MATR3: variants seen among roughly 807,000 people sequenced by gnomAD.
MATR3 encodes the protein matrin-3.
MATR3 carries 4 observed loss-of-function variants against 85.5 expected under a neutral mutation model. The ratio of observed to expected loss-of-function variants is 0.05; its 90% CI spans 0.02 to 0.11. The LOEUF (loss-of-function observed/expected upper bound fraction) is 0.11, where lower values mean the gene tolerates loss of function less well. Ranked by LOEUF, MATR3 falls within the 10% of genes least tolerant of loss-of-function variation. The pLI, the probability that MATR3 is intolerant of heterozygous loss-of-function variation, is 1.00. For missense variants in MATR3, 685 were observed against 1,016.1 expected (o/e 0.67, Z 4.43); for synonymous variants, 336 against 343.1 (o/e 0.98, Z 0.23).
At chr5:139,285,255 C>G (rs1168826029) in intron 3 of MATR3, 1 of 152,212 alleles carries the variant, frequency 6.6e-6, no homozygotes, top group Non-Finnish European at 1.5e-5. Context: ...TACCTTGTTT[C>G]AGATGGTCAA....
intron 2 of MATR3, 46 bp downstream of exon 2, chr5:139,308,373 G>A: frequency 6.2e-7 from 1 of 1,607,008 alleles, no homozygotes; most frequent in East Asian, 2.2e-5. Flanking sequence ...ACATTGTAGT[G>A]CCTATTTACC....
chr5:139,285,483 A>C (rs1243834784), intron 3 of MATR3, among the ~76,000 whole-genome samples: 2 of 152,240 alleles, frequency 1.3e-5, no homozygotes, highest in Non-Finnish European at 2.9e-5. Flanking sequence ...GGCCAGAATA[A>C]GAATTTCAAG....
intron 12 of MATR3, among the ~76,000 whole-genome samples, chr5:139,325,054 G>C (rs965709256): frequency 1.3e-5 from 2 of 152,036 alleles, no homozygotes; most frequent in African/African-American, 2.4e-5. Context: ...TTAGCCGGGC[G>C]TGGTGGCGTG....
rs561504141 is a variant in MATR3, at chr5:139,316,605, C to T, written c.1129+417C>T. On this transcript the variant is annotated intron_variant, in intron 5 of 14. Transcript: ENST00000394805. ...CTCCGTCACTCAGGCTAGAGTGTAACGGTGCAATCTCTGCTCACTGCAACC... is the reference window on the plus strand; with the variant it reads ...CTCCGTCACTCAGGCTAGAGTGTAATGGTGCAATCTCTGCTCACTGCAACC... 1.6e-3 allele frequency among the ~76,000 whole-genome samples: 249 copies of T among 151,828 alleles called. 2 individuals carry two copies. Among genetic ancestry groups the T allele is most frequent in the African/African-American group, 5.8e-3 (242 of 41,374 alleles).
chr5:139,302,415 A>G (rs191324192), intron 1 of MATR3, among the ~76,000 whole-genome samples: 313 of 152,352 alleles, frequency 2.1e-3, no homozygotes, highest in Middle Eastern at 6.8e-3. Flanking sequence ...AAAACCCTTA[A>G]ATGAAATAAT....
intron 3 of MATR3, among the ~76,000 whole-genome samples, chr5:139,286,118 A>T (rs1391123196): frequency 6.6e-6 from 1 of 152,188 alleles, no homozygotes; most frequent in Non-Finnish European, 1.5e-5. Context: ...ACCTTTTCAA[A>T]AACTCCTTTG....
intron 3 of MATR3, chr5:139,315,343 G>GTA (rs1255173475): frequency 3.9e-6 from 1 of 256,940 alleles, no homozygotes; most frequent in African/African-American, 2.3e-5. Context: ...TGTGCTCTTG[G>GTA]TATTAATATT....
chr5:139,298,685 C>A (rs769115605), intron 1 of MATR3, among the ~76,000 whole-genome samples: 1 of 152,074 alleles, frequency 6.6e-6, no homozygotes, highest in African/African-American at 2.4e-5. Flanking sequence ...TTTTTAGATA[C>A]GTGACTGAAA....
At position 139,284,682 on chromosome 5, in the gene MATR3, G is replaced by A. The variant is rs1229686980; in HGVS notation, c.-178+5553G>A. 2.0e-5 allele frequency among the ~76,000 whole-genome samples: 3 copies of A among 151,994 alleles called. No homozygotes were observed. The East Asian group carries it at 5.8e-4, about 29-fold the overall frequency. On this transcript the variant is annotated intron_variant, in intron 3 of 16. Transcript: ENST00000509990. ...CAGACATCTGTTAACTAAAACACAT[G>A]TGTAGGCTTTTGTTACTTATTTCAG...
chr5:139,298,808 C>T (rs1259428738), intron 1 of MATR3, among the ~76,000 whole-genome samples: 2 of 152,000 alleles, frequency 1.3e-5, no homozygotes, highest in East Asian at 1.9e-4. Flanking sequence ...CAAGGGACAC[C>T]AAGAAACAGC....
At position 139,321,883 on chromosome 5, in the gene MATR3, T is replaced by G; in HGVS notation, c.1603-15T>G. The G allele has an allele frequency of 6.2e-7, 1 of 1,611,364 alleles. No homozygotes were observed. Among genetic ancestry groups the G allele is most frequent in the Non-Finnish European group, 8.5e-7 (1 of 1,179,042 alleles). On this transcript the variant is annotated splice_polypyrimidine_tract_variant and intron_variant, in intron 9 of 14. Coordinates refer to ENST00000394805, the MANE Select transcript of MATR3 (RefSeq NM_018834.6). ...AATATAATGTGCTTTGTGGTTTCTT[T>G]TCTTTCTTTTTAAGGCTTTTATTGA...
At chr5:139,304,249 A>G (rs1581230172) in intron 1 of MATR3, among the ~76,000 whole-genome samples, 1 of 152,086 alleles carries the variant, frequency 6.6e-6, no homozygotes, top group Non-Finnish European at 1.5e-5. Context: ...GCTCATGCCT[A>G]TATAATCCCA....
Position 139,326,260 on chromosome 5 carries a change from C to T in MATR3, c.2469C>T (p.Ser823=), listed in dbSNP as rs1480773609. The T allele has an allele frequency of 1.2e-6, 2 of 1,613,570 alleles. No individual in the cohort carries two copies. Among genetic ancestry groups the T allele is most frequent in the Non-Finnish European group, 1.7e-6 (2 of 1,179,752 alleles). ...EEVAKNTHCS[S]LPHYQKLKKF... ...TTGCAAAGAATACTCATTGCAGCAGCCTTCCTCATTATCAGAAATTAAAGG... is the reference window on the plus strand; with the variant it reads ...TTGCAAAGAATACTCATTGCAGCAGTCTTCCTCATTATCAGAAATTAAAGG... The change falls in exon 14 of 15, where the codon AGC becomes AGT. Residue 823 remains serine (S), a synonymous_variant. Coordinates refer to ENST00000394805, the MANE Select transcript of MATR3 (RefSeq NM_018834.6).
At chr5:139,290,438 CTTT>C (rs762364450), upstream of MATR3, among the ~76,000 whole-genome samples, 62 of 44,974 alleles carry the variant, frequency 1.4e-3, no homozygotes, top group African/African-American at 6.7e-3. Context: ...CCTGGCCGCT[CTTT>C]TTTTTTTTTT....
chr5:139,285,577 G>A (rs1488963272), intron 3 of MATR3, among the ~76,000 whole-genome samples: 3 of 152,190 alleles, frequency 2.0e-5, no homozygotes, highest in Admixed American at 6.5e-5. Context: ...GGAGGCTGAG[G>A]CAGGAGAATT....
chr5:139,314,546 T>G, intron 2 of MATR3, 129 bp from the exon 3 acceptor site: 1 of 729,666 alleles, frequency 1.4e-6, no homozygotes. Context: ...TCAATGTGAT[T>G]TAGTGAATGG....
upstream of MATR3, chr5:139,293,278 AT>A (rs1753944620): frequency 6.6e-6 from 1 of 152,156 alleles, no homozygotes; most frequent in South Asian, 2.1e-4. Flanking sequence ...ACATACCTAA[AT>A]AAAAACCAGC....
chr5:139,299,785 TTGA>T (rs1754346566), intron 1 of MATR3: 1 of 152,178 alleles, frequency 6.6e-6, no homozygotes, highest in African/African-American at 2.4e-5. Context: ...GGTGTGAGCT[TTGA>T]TGCCAGGAGG....
intron 1 of MATR3, among the ~76,000 whole-genome samples, chr5:139,294,281 C>G (rs965011550): frequency 2.0e-5 from 3 of 152,198 alleles, no homozygotes; most frequent in African/African-American, 7.2e-5. Flanking sequence ...ATATCTAAGT[C>G]CTTGGGTAGC....
Sources: gnomAD v4.1 joint callset for allele counts (sites outside exome capture counted in the v4.1 genomes callset) on GRCh38, gnomAD v4.1.1 for gene constraint, MANE v1.5 for transcripts, NCBI Gene and HGNC (gene_info 2026-07-23, HGNC 2026-07-21) for gene names.